Variants in PLB1 observed in about 807,000 individuals in gnomAD.
PLB1 encodes the protein phospholipase B1, also known as phospholipase B1, membrane-associated.
PLB1 carries 242 observed loss-of-function variants against 227.4 expected under a neutral mutation model. The ratio of observed to expected loss-of-function variants is 1.06; its 90% confidence interval spans 0.96 to 1.18. The LOEUF is 1.18. Among genes scored for constraint, PLB1 ranks in the 50% most tolerant of loss-of-function variants. The pLI, the probability that PLB1 is intolerant of heterozygous loss-of-function variation, is 0.00. For missense variants in PLB1, 1,858 were observed against 1,816.3 expected (o/e 1.02, Z -0.42); for synonymous variants, 757 against 682.2 (o/e 1.11, Z -1.71).
Position 28,604,686 on chromosome 2 carries a change from G to T in PLB1, c.2888G>T (p.Arg963Leu), listed in dbSNP as rs1446262042. 5 of 1,614,144 alleles carry T rather than the reference G, an allele frequency of 3.1e-6. No homozygotes were observed. The highest frequency in any genetic ancestry group is 4.2e-6 in the Non-Finnish European group (5 of 1,180,012). The change falls in exon 41 of 58, where the codon CGC becomes CTC. Residue 963 changes from arginine to leucine, a missense_variant. Coordinates refer to ENST00000327757, the MANE Select transcript of PLB1 (RefSeq NM_153021.5). ...SSMRELVGSG[R>L]YDTQEDFSVV... ...ATGCGCGAGCTGGTGGGGTCAGGCC[G>T]CTATGACACGCAGGAGGACTTCTCT...
chr2:28,607,598 C>T (rs766563120), intron 43 of PLB1, among the ~76,000 whole-genome samples: 8 of 152,108 alleles, frequency 5.3e-5, no homozygotes, highest in Non-Finnish European at 1.0e-4. Context: ...GATTCTGCAA[C>T]AGCTAGTGCA....
chr2:28,577,799 C>T (rs547190346), intron 21 of PLB1, among the ~76,000 whole-genome samples: 12 of 152,314 alleles, frequency 7.9e-5, no homozygotes, highest in South Asian at 2.1e-4. Flanking sequence ...GAGATCGTGC[C>T]GCTGCACTTC....
At chr2:28,574,448 TCTCAG>T (rs1345775426) in intron 21 of PLB1, among the ~76,000 whole-genome samples, 27 of 148,684 alleles carry the variant, frequency 1.8e-4, no homozygotes, top group Admixed American at 1.3e-3. Flanking sequence ...AGTAGTGTGA[TCTCAG>T]CTCACTGCAA....
intron 56 of PLB1, among the ~76,000 whole-genome samples, chr2:28,638,591 G>A (rs1169133240): frequency 1.3e-5 from 2 of 152,078 alleles, no homozygotes; most frequent in South Asian, 2.1e-4. Flanking sequence ...GAGGAGGAGA[G>A]ACGCTGTCGT....
At chr2:28,622,070 C>T (rs1163738746) in intron 49 of PLB1, among the ~76,000 whole-genome samples, 1 of 152,178 alleles carries the variant, frequency 6.6e-6, no homozygotes, top group African/African-American at 2.4e-5. Flanking sequence ...TTGTGGGTAT[C>T]TCTGATGTCC....
chr2:28,548,570 A>G (rs1260991587), intron 14 of PLB1: 5 of 494,674 alleles, frequency 1.0e-5, no homozygotes, highest in Admixed American at 2.5e-5. Context: ...GGAGAGGTAG[A>G]CTAGGAAGTC....
intron 43 of PLB1, among the ~76,000 whole-genome samples, chr2:28,613,362 C>A (rs1456345474): frequency 6.6e-6 from 1 of 152,204 alleles, no homozygotes; most frequent in Non-Finnish European, 1.5e-5. Context: ...TCAACTTGAT[C>A]TTGCTTTGCT....
chr2:28,525,928 G>T lies in PLB1; in HGVS notation c.308G>T (p.Cys103Phe), dbSNP rs758395415. 1.2e-6 allele frequency: 2 copies of T among 1,614,114 alleles called. No individual in the cohort carries two copies. The highest frequency in any genetic ancestry group is 1.7e-6 in the Non-Finnish European group (2 of 1,180,002). ...AGGACTGAAAGGCCACAGCAGGTGT[G>T]CATGGGAGTGATGACAGGTGAGTTG... is the stretch of plus-strand genomic sequence containing the variant. ...QDWTERPQQV[C>F]MGVMTVLSDI... Residue 103 changes from cysteine (C) to phenylalanine (F), a missense_variant, in exon 6 of 58, where the codon TGC (cysteine) becomes TTC (phenylalanine). Cys to Phe is a radical substitution (Grantham distance 205). Transcript: ENST00000327757.
At chr2:28,614,506 C>CATTCAT (rs71403614) in intron 44 of PLB1, among the ~76,000 whole-genome samples, 7,222 of 152,158 alleles carry the variant, frequency 0.047, 555 homozygotes, top group African/African-American at 0.16. Flanking sequence ...AGTGGAGGCA[C>CATTCAT]GTTCATGTTC....
At chr2:28,567,017 G>C (rs12714237) in intron 20 of PLB1, among the ~76,000 whole-genome samples, 178 bp downstream of exon 20, 1 of 146,102 alleles carries the variant, frequency 6.8e-6, no homozygotes. Context: ...AGTGACGAAA[G>C]CCTTAGAGTT....
At position 28,582,119 on chromosome 2, in the gene PLB1, A is replaced by G. The variant is rs762871674; in HGVS notation, c.1618A>G (p.Ile540Val). ...FTDNIGKALD[I>V]LHAEVPRAFV... Reference sequence around the variant, plus strand: ...AGACAACATTGGAAAGGCCCTGGACATCCTCCATGCTGAGGTACGGAGGCT... The same window carrying G: ...AGACAACATTGGAAAGGCCCTGGACGTCCTCCATGCTGAGGTACGGAGGCT... Residue 540 changes from isoleucine (I) to valine (V), a missense_variant, in exon 24 of 58, where the codon ATC (isoleucine) becomes GTC (valine). Transcript: ENST00000327757. 9.9e-6 allele frequency: 16 copies of G among 1,613,866 alleles called. No individual in the cohort carries two copies. The East Asian group carries it at 3.3e-4, about 34-fold the overall frequency.
chr2:28,582,067 G>T lies in PLB1; in HGVS notation c.1567-1G>T. 1 of 1,612,850 alleles carries T rather than the reference G, an allele frequency of 6.2e-7. No homozygotes were observed. Among genetic ancestry groups the T allele is most frequent in the Non-Finnish European group, 8.5e-7 (1 of 1,178,864 alleles). ...TCAAGGGACACTTCCTCTTCCTGCA[G>T]GTCCACTATTCTCCCCAGAACTTCA... On this transcript the variant is annotated splice_acceptor_variant, in intron 23 of 57. Coordinates refer to ENST00000327757, the MANE Select transcript of PLB1 (RefSeq NM_153021.5). LOFTEE classifies it high-confidence loss of function.
At chr2:28,571,260 A>C (rs1677964933) in intron 20 of PLB1, among the ~76,000 whole-genome samples, 1 of 152,240 alleles carries the variant, frequency 6.6e-6, no homozygotes, top group Non-Finnish European at 1.5e-5. Context: ...TTTAACCAAA[A>C]AAGGGCATCG....
chr2:28,537,706 G>A (rs150849263), intron 9 of PLB1, among the ~76,000 whole-genome samples: 231 of 150,840 alleles, frequency 1.5e-3, no homozygotes, highest in Middle Eastern at 0.01. Context: ...CGTTTTTGAG[G>A]TCCTTCATTT....
rs1017712183 is a variant in PLB1 at position 28,514,592 on chromosome 2, T to C, written c.56-2216T>C. Reference sequence around the variant, plus strand: ...ATTTAATTTGTTTACATGTTGTCCATGGCTGCTTTCATACTACAGCAGCAG... The same window carrying C: ...ATTTAATTTGTTTACATGTTGTCCACGGCTGCTTTCATACTACAGCAGCAG... On this transcript the variant is annotated intron_variant, in intron 1 of 57. Transcript: ENST00000327757. Among the ~76,000 whole-genome samples the C allele has an allele frequency of 5.9e-5, 9 of 152,366 alleles. No homozygotes were observed. The South Asian group carries it at 8.3e-4, about 14-fold the overall frequency.
chr2:28,605,836 A>T lies in PLB1; in HGVS notation c.2962-17A>T, dbSNP rs779135581. The T allele has an allele frequency of 1.3e-6, 2 of 1,587,958 alleles. No individual in the cohort carries two copies. The highest frequency in any genetic ancestry group is 1.7e-6 in the Non-Finnish European group (2 of 1,156,366). ...TGAACCAATAGGATCTTGAGGGGGT[A>T]TATTGGTCTCTTTCAGGATGGGCTC... On this transcript the variant is annotated splice_polypyrimidine_tract_variant and intron_variant, in intron 41 of 57. Coordinates refer to ENST00000327757, the MANE Select transcript of PLB1 (RefSeq NM_153021.5).
At chr2:28,565,195 TA>T in intron 18 of PLB1, 84 bp from the exon 19 acceptor site, 1 of 1,230,904 alleles carries the variant, frequency 8.1e-7, no homozygotes, top group Non-Finnish European at 1.2e-6. Context: ...CTGGCCAGCA[TA>T]AGAACATAGA....
At position 28,563,090 on chromosome 2, in the gene PLB1, C is replaced by T; in HGVS notation, c.1197C>T (p.Asp399=). The T allele has an allele frequency of 9.9e-6, 16 of 1,613,198 alleles. No homozygotes were observed. Among genetic ancestry groups the T allele is most frequent in the African/African-American group, 1.3e-5 (1 of 74,996 alleles). ...TCAACGTAATTGGAGCCCTGGGTGA[C>T]TCTCTCACGGTAAGTGACCCTGATG... ...ADINVIGALG[D]SLTAGNGAGS... Residue 399 remains aspartate, a synonymous_variant, in exon 18 of 58, where the codon GAC becomes GAT. Transcript: ENST00000327757.
rs140395374 is a variant in PLB1, at chr2:28,567,339, T to C, written c.1324+500T>C. On this transcript the variant is annotated intron_variant, in intron 20 of 57. Transcript: ENST00000327757. ...CAGATATTGAATTGCGGGGTTGCTG[T>C]AGGAACCGCTGCTATTGCCGCAGGA... 9.1e-3 allele frequency among the ~76,000 whole-genome samples: 1,381 copies of C among 152,192 alleles called. 21 individuals carry two copies. The highest frequency in any genetic ancestry group is 0.032 in the African/African-American group (1,317 of 41,512).
Sources: gnomAD v4.1 joint callset for allele counts (sites outside exome capture counted in the v4.1 genomes callset) on GRCh38, gnomAD v4.1.1 for gene constraint, MANE v1.5 for transcripts, NCBI Gene and HGNC (gene_info 2026-07-23, HGNC 2026-07-21) for gene names.